Variants in SLC27A4 observed in about 807,000 individuals in gnomAD.
SLC27A4 encodes long-chain fatty acid transport protein 4.
SLC27A4 carries 33 observed loss-of-function variants against 64.4 expected under a neutral mutation model. The ratio of observed to expected loss-of-function variants is 0.51; its 90% CI spans 0.39 to 0.68. The LOEUF (loss-of-function observed/expected upper bound fraction) is 0.68, where lower values mean the gene tolerates loss of function less well. Among genes scored for constraint, SLC27A4 ranks in the 30% least tolerant of loss-of-function variants. SLC27A4 has a pLI of 0.00. For synonymous variants in SLC27A4, 377 were observed against 370.0 expected, an observed-to-expected ratio of 1.02 and a Z score of -0.22; for missense variants, 824 against 883.5, an observed-to-expected ratio of 0.93 and a Z score of 0.85.
Position 128,345,672 on chromosome 9 carries a change from C to A in SLC27A4, c.556+123C>A. The A allele has an allele frequency of 8.6e-7, 1 of 1,162,654 alleles. No individual in the cohort carries two copies. Among genetic ancestry groups the A allele is most frequent in the Non-Finnish European group, 1.2e-6 (1 of 850,134 alleles). The allele number at this position is 1,162,654 out of a possible 1,614,324, so 72.0% of individuals were successfully genotyped here. ...GTTAAGGGCACAGAGTGGAGTCAGA[C>A]AGCTTAGGCAGTGCCACGAGTAAAC... On this transcript the variant is annotated intron_variant, in intron 3 of 12. Transcript: ENST00000300456. This position sits in a 1 kb window ranked among gnomAD's most constrained non-coding sequence, Gnocchi z 4.1.
rs1440407787 is a variant in SLC27A4, at chr9:128,345,053, C to T, written c.162-102C>T. ...GATAGAAGTGTTGTAGGGGGTCTGG[C>T]TCATGAAGCATAGGCTGGCGAGGCA... is the stretch of plus-strand genomic sequence containing the variant. On this transcript the variant is annotated intron_variant, in intron 2 of 12. Coordinates refer to ENST00000300456, the MANE Select transcript of SLC27A4 (RefSeq NM_005094.4). This position sits in a 1 kb window ranked among gnomAD's most constrained non-coding sequence, Gnocchi z 4.1. 1.4e-6 allele frequency: 2 copies of T among 1,446,740 alleles called. No individual in the cohort carries two copies. The highest frequency in any genetic ancestry group is 1.4e-5 in the African/African-American group (1 of 71,702). The allele number at this position is 1,446,740 out of a possible 1,614,324, so 89.6% of individuals were successfully genotyped here.
chr9:128,359,739 A>AGGTTGCAGT (rs1832871863), intron 12 of SLC27A4, among the ~76,000 whole-genome samples: 1 of 152,156 alleles, frequency 6.6e-6, no homozygotes, highest in Non-Finnish European at 1.5e-5. Flanking sequence ...CGGCAGGTGG[A>AGGTTGCAGT]GGTTGCAGTG....
chr9:128,360,497 C>T lies in SLC27A4; in HGVS notation c.*6C>T, dbSNP rs1221883906. On this transcript the variant is annotated 3_prime_UTR_variant, in exon 13 of 13. Coordinates refer to ENST00000300456, the MANE Select transcript of SLC27A4 (RefSeq NM_005094.4). The stretch of plus-strand genomic sequence containing the variant: ...CAGGCGAGGAGAAGCTGTGATTCCC[C>T]CCATCCCTCTGAGGGCCGGCGGATG... 3.6e-5 allele frequency: 58 copies of T among 1,613,486 alleles called. No homozygotes were observed. The highest frequency in any genetic ancestry group is 4.9e-5 in the Non-Finnish European group (58 of 1,179,970).
rs1407462028 is a variant in SLC27A4 at position 128,352,352 on chromosome 9, G to A, written c.878-286G>A. Among the ~76,000 whole-genome samples the A allele has an allele frequency of 2.0e-5, 3 of 152,276 alleles. No individual in the cohort carries two copies. The East Asian group carries it at 5.8e-4, about 29-fold the overall frequency. ...TGCTGCTTGTTTGTAGGGGCTTAAG[G>A]GAAGACAGCTTGAATAAATATAGCT... On this transcript the variant is annotated intron_variant, in intron 6 of 12. Transcript: ENST00000300456.
At chr9:128,342,468 T>A in intron 1 of SLC27A4, 1 of 1,509,818 alleles carries the variant, frequency 6.6e-7, no homozygotes, top group Non-Finnish European at 9.1e-7. Flanking sequence ...AGAGGTTGGA[T>A]CAAGTTTAAA....
intron 1 of SLC27A4, chr9:128,342,662 TA>T (rs1453289218): frequency 5.1e-6 from 2 of 389,394 alleles, no homozygotes; most frequent in East Asian, 1.2e-4. Context: ...CTGCAGGCTG[TA>T]ATGCAGTTTA....
chr9:128,348,741 C>T (rs1168158926), intron 4 of SLC27A4, 38 bp downstream of exon 4: 1 of 1,605,878 alleles, frequency 6.2e-7, no homozygotes, highest in East Asian at 2.2e-5. Flanking sequence ...GGCTCTCACA[C>T]AGGCCCTGGA....
Position 128,353,238 on chromosome 9 carries a change from C to T in SLC27A4, c.1197+4C>T, listed in dbSNP as rs779920887. ...CCTGGGCAACTTCGACAGCCAGGTG[C>T]GGCCAGGTTGGGGATGGGCGAGGCT... is the stretch of plus-strand genomic sequence containing the variant. On this transcript the variant is annotated splice_donor_region_variant and intron_variant, in intron 8 of 12. Transcript: ENST00000300456. The surrounding 1 kb of genome is among the most constrained non-coding windows in gnomAD (Gnocchi z 4.9). 3.1e-5 allele frequency: 50 copies of T among 1,613,580 alleles called. No homozygotes were observed. In the Middle Eastern group the frequency reaches 8.4e-4, roughly 27 times the overall value.
chr9:128,360,399 C>G lies in SLC27A4; in HGVS notation c.1840C>G (p.Pro614Ala), dbSNP rs780481557. Residue 614 changes from proline to alanine, a missense_variant, in exon 13 of 13, where the codon CCG (proline) becomes GCG (alanine). Pro to Ala is a conservative substitution (Grantham distance 27, BLOSUM62 -1). Transcript: ENST00000300456. ...EGFDPAIVKD[P>A]LFYLDAQKGR... ...CTTTGACCCGGCTATTGTGAAAGAC[C>G]CGCTGTTCTATCTAGATGCCCAGAA... The G allele has an allele frequency of 5.0e-6, 8 of 1,614,040 alleles. No individual in the cohort carries two copies. In the African/African-American group the frequency reaches 8.0e-5, roughly 16 times the overall value.
chr9:128,351,574 G>A (rs1476292365), intron 6 of SLC27A4, among the ~76,000 whole-genome samples: 1 of 151,630 alleles, frequency 6.6e-6, no homozygotes, highest in African/African-American at 2.4e-5. Context: ...AAAAGTAGCT[G>A]GGCTTGGTGG....
intron 7 of SLC27A4, 132 bp downstream of exon 7, chr9:128,352,879 T>C (rs1564401987): frequency 1.9e-6 from 2 of 1,060,628 alleles, no homozygotes; most frequent in Non-Finnish European, 1.4e-6. Context: ...AAAGTTCCCA[T>C]TGTTCAGATG....
rs746562912 is a variant in SLC27A4, at chr9:128,355,565, A to G, written c.1627+3A>G. The stretch of plus-strand genomic sequence containing the variant: ...CGTGTATGGTGTCGAGGTGCCAGGT[A>G]TGTGCAGGCAGGCGCGAGGTGTGGG... On this transcript the variant is annotated splice_donor_region_variant and intron_variant, in intron 11 of 12. Coordinates refer to ENST00000300456, the MANE Select transcript of SLC27A4 (RefSeq NM_005094.4). The G allele has an allele frequency of 1.2e-6, 2 of 1,609,730 alleles. No homozygotes were observed. Among genetic ancestry groups the G allele is most frequent in the African/African-American group, 2.7e-5 (2 of 74,908 alleles).
rs1168051284 is a variant in SLC27A4 at position 128,345,714 on chromosome 9, G to T, written c.556+165G>T. The stretch of plus-strand genomic sequence containing the variant: ...CGAGTAAACGAGATCCTGGGGAAGG[G>T]ACTGATTTCTCTGAGCCTCAGTTTC... On this transcript the variant is annotated intron_variant, in intron 3 of 12. Coordinates refer to ENST00000300456, the MANE Select transcript of SLC27A4 (RefSeq NM_005094.4). The surrounding 1 kb of genome is among the most constrained non-coding windows in gnomAD (Gnocchi z 4.1). Among the ~76,000 whole-genome samples the T allele has an allele frequency of 6.6e-6, 1 of 152,174 alleles. No homozygotes were observed. The highest frequency in any genetic ancestry group is 1.5e-5 in the Non-Finnish European group (1 of 68,032).
chr9:128,347,572 C>T (rs1466228189), intron 3 of SLC27A4, among the ~76,000 whole-genome samples: 1 of 151,056 alleles, frequency 6.6e-6, no homozygotes, highest in East Asian at 2.0e-4. Flanking sequence ...ACTAAAAATA[C>T]AAAAATTAGC....
At chr9:128,352,518 T>G in intron 6 of SLC27A4, 120 bp from the exon 7 acceptor site, 1 of 788,442 alleles carries the variant, frequency 1.3e-6, no homozygotes, top group South Asian at 1.5e-5. Context: ...CAGGCAGATG[T>G]GAGGTGCAGA....
intron 9 of SLC27A4, among the ~76,000 whole-genome samples, chr9:128,354,405 A>G (rs1399078331): frequency 1.3e-5 from 2 of 152,098 alleles, no homozygotes; most frequent in Non-Finnish European, 1.5e-5. Flanking sequence ...GCACCCACAC[A>G]TGGGGCTGGC....
intron 12 of SLC27A4, among the ~76,000 whole-genome samples, chr9:128,356,487 G>A (rs865817795): frequency 6.6e-6 from 1 of 152,260 alleles, no homozygotes; most frequent in Non-Finnish European, 1.5e-5. Flanking sequence ...TGTCCCGGGG[G>A]CAGTAGGGAG....
intron 12 of SLC27A4, among the ~76,000 whole-genome samples, chr9:128,357,889 C>T (rs1358332778): frequency 5.3e-5 from 8 of 152,134 alleles, no homozygotes. Context: ...CCTAAAGCAT[C>T]GGGGAGGGTT....
At position 128,353,592 on chromosome 9, in the gene SLC27A4, G is replaced by T; in HGVS notation, c.1324+51G>T. On this transcript the variant is annotated intron_variant, in intron 9 of 12. Coordinates refer to ENST00000300456, the MANE Select transcript of SLC27A4 (RefSeq NM_005094.4). The surrounding 1 kb of genome is among the most constrained non-coding windows in gnomAD (Gnocchi z 4.9). ...GAGGGGTTGGCCTGGGAAGGAAGGAGGCCAGGCGCGTGTGGATGGGGAGCC... is the reference window on the plus strand; with the variant it reads ...GAGGGGTTGGCCTGGGAAGGAAGGATGCCAGGCGCGTGTGGATGGGGAGCC... 6.3e-7 allele frequency: 1 copy of T among 1,599,748 alleles called. No individual in the cohort carries two copies. Among genetic ancestry groups the T allele is most frequent in the Non-Finnish European group, 8.5e-7 (1 of 1,170,686 alleles).
Sources: gnomAD v4.1 joint callset for allele counts (sites outside exome capture counted in the v4.1 genomes callset) on GRCh38, gnomAD v4.1.1 for gene constraint, Gnocchi (gnomAD v3.1) non-coding constraint, MANE v1.5 for transcripts, NCBI Gene and HGNC (gene_info 2026-07-23, HGNC 2026-07-21) for gene names.